Variants in PCDHA4 observed in about 807,000 individuals in gnomAD.
PCDHA4 encodes the protein protocadherin alpha 4.
A neutral mutation model predicts 61.4 loss-of-function variants in PCDHA4; 49 were observed. The observed-to-expected ratio is 0.80, with a 90% CI of 0.63 to 1.01. PCDHA4 has a LOEUF of 1.01. Among genes scored for constraint, PCDHA4 ranks in the 50% least tolerant of loss-of-function variants. The pLI is 0.00. For synonymous variants in PCDHA4, 590 were observed against 550.3 expected (o/e 1.07, Z -1.01); for missense variants, 1,254 against 1,235.8 (o/e 1.01, Z -0.22).
chr5:140,857,359 G>T lies in PCDHA4; in HGVS notation c.2385+47787G>T, dbSNP rs200721411. ...GGGGCTCGCCTCCGCTGTGGGCCAC[G>T]GCCAGCGTGTCTGTGGAGGTGGCCG... On this transcript the variant is annotated intron_variant, in intron 1 of 3. Coordinates refer to ENST00000530339, the MANE Select transcript of PCDHA4 (RefSeq NM_018907.4). 3 of 1,598,398 alleles carry T rather than the reference G, an allele frequency of 1.9e-6. No individual in the cohort carries two copies. The South Asian group carries it at 3.3e-5, about 18-fold the overall frequency.
chr5:140,884,150 A>G (rs782776110), intron 1 of PCDHA4: 14 of 1,613,346 alleles, frequency 8.7e-6, no homozygotes, highest in Non-Finnish European at 1.1e-5. Context: ...GGGGCTGTAC[A>G]CTGGCGAGAT....
In PCDHA4 at chr5:140,808,260, C is replaced by T. The variant is rs1412132205; in HGVS notation, c.1073C>T (p.Pro358Leu). Reference protein sequence around the residue: ...PDLEFKSLSLPIREDAPLGTV... With the variant: ...PDLEFKSLSLLIREDAPLGTV... ...TTGGAATTCAAGTCTTTATCACTTC[C>T]AATTAGAGAGGACGCTCCACTGGGT... Residue 358 changes from proline to leucine, a missense_variant, in exon 1 of 4, where the codon CCA becomes CTA. By Grantham distance (98) the Pro-to-Leu change is moderately conservative (BLOSUM62 -3). Coordinates refer to ENST00000530339, the MANE Select transcript of PCDHA4 (RefSeq NM_018907.4). The T allele has an allele frequency of 2.5e-6, 4 of 1,614,102 alleles. No homozygotes were observed. Among genetic ancestry groups the T allele is most frequent in the African/African-American group, 1.3e-5 (1 of 74,936 alleles).
intron 3 of PCDHA4, among the ~76,000 whole-genome samples, chr5:141,005,406 G>C (rs1224420854): frequency 1.3e-5 from 2 of 152,172 alleles, no homozygotes; most frequent in Non-Finnish European, 2.9e-5. Flanking sequence ...GACTTGAAGA[G>C]TGAGGAGTCA....
rs1219715153 is a variant in PCDHA4 at position 140,821,593 on chromosome 5, C to A, written c.2385+12021C>A. 4.4e-6 allele frequency: 3 copies of A among 678,042 alleles called. No homozygotes were observed. In the East Asian group the frequency reaches 8.7e-5, roughly 20 times the overall value. 42.0% of individuals were successfully genotyped at this position (678,042 alleles called of 1,614,324 possible). A position where few individuals can be genotyped will look rare whatever the true frequency, so the allele number is the denominator to read the frequency against. ...CGGAAGGTTTTTCTCCCTTCCCAGCCTCAAAGGAATACAGTGAGTAGATTT... is the reference window on the plus strand; with the variant it reads ...CGGAAGGTTTTTCTCCCTTCCCAGCATCAAAGGAATACAGTGAGTAGATTT... On this transcript the variant is annotated intron_variant, in intron 1 of 3. Transcript: ENST00000530339.
rs150467607 is a variant in PCDHA4 at position 140,809,255 on chromosome 5, G to A, written c.2068G>A (p.Asp690Asn). The A allele has an allele frequency of 4.3e-6, 7 of 1,613,950 alleles. No individual in the cohort carries two copies. The highest frequency in any genetic ancestry group is 2.2e-5 in the South Asian group (2 of 91,092). The change falls in exon 1 of 4, where the codon GAT becomes AAT. Residue 690 changes from aspartate (D) to asparagine (N), a missense_variant. Transcript: ENST00000530339. ...SRALVGAVGP[D>N]AALVDVNVYL... Reference sequence around the variant, plus strand: ...GGCGTTGGTGGGCGCTGTGGGTCCCGATGCTGCGCTGGTGGATGTCAACGT... The same window carrying A: ...GGCGTTGGTGGGCGCTGTGGGTCCCAATGCTGCGCTGGTGGATGTCAACGT...
At position 140,809,644 on chromosome 5, in the gene PCDHA4, C is replaced by A. The variant is rs1764516799; in HGVS notation, c.2385+72C>A. On this transcript the variant is annotated intron_variant, in intron 1 of 3. Coordinates refer to ENST00000530339, the MANE Select transcript of PCDHA4 (RefSeq NM_018907.4). ...TATCAACTTCTTCGTAAATTTATTT[C>A]TAAGAGTCAAATTTCCCTGGGTTAA... 88 of 1,500,162 alleles carry A rather than the reference C, an allele frequency of 5.9e-5. No individual in the cohort carries two copies. The South Asian group carries it at 1.1e-3, about 19-fold the overall frequency. The allele number at this position is 1,500,162 out of a possible 1,614,324, so 92.9% of individuals were successfully genotyped here.
At chr5:140,903,917 T>C (rs2070714744) in intron 1 of PCDHA4, among the ~76,000 whole-genome samples, 1 of 152,258 alleles carries the variant, frequency 6.6e-6, no homozygotes, top group Non-Finnish European at 1.5e-5. Flanking sequence ...GTGACTTCCT[T>C]GCTGCATTGG....
intron 1 of PCDHA4, chr5:140,849,498 A>G: frequency 6.3e-7 from 1 of 1,593,626 alleles, no homozygotes. Context: ...TGGTCATTGT[A>G]CACTTCTTGT....
chr5:140,955,216 C>T (rs2095153192), intron 1 of PCDHA4, among the ~76,000 whole-genome samples: 2 of 152,122 alleles, frequency 1.3e-5, no homozygotes, highest in East Asian at 3.9e-4. Flanking sequence ...AGCATGATGC[C>T]TCCAGCTTTG....
chr5:140,822,611 T>G (rs1767365193), intron 1 of PCDHA4: 1 of 1,611,486 alleles, frequency 6.2e-7, no homozygotes, highest in African/African-American at 1.3e-5. Flanking sequence ...ATAGTGTATT[T>G]CTTTAGTAAT....
chr5:140,869,465 T>G (rs1291817814), intron 1 of PCDHA4: 7 of 1,614,026 alleles, frequency 4.3e-6, no homozygotes, highest in Non-Finnish European at 5.9e-6. Context: ...CATGTGAACG[T>G]GGAGGTGAAG....
At chr5:140,850,549 G>A in intron 1 of PCDHA4, 2 of 1,598,360 alleles carry the variant, frequency 1.3e-6, no homozygotes, top group Non-Finnish European at 1.7e-6. Flanking sequence ...GCGTCAGTGG[G>A]TGCCACGGGC....
At chr5:140,982,252 C>A in intron 2 of PCDHA4, 2 of 770,940 alleles carry the variant, frequency 2.6e-6, no homozygotes, top group South Asian at 2.6e-5. Flanking sequence ...AAAGATAGAA[C>A]ATGTGTGTTC....
intron 1 of PCDHA4, among the ~76,000 whole-genome samples, chr5:140,879,282 A>T (rs1554170732): frequency 1.3e-5 from 2 of 152,238 alleles, no homozygotes; most frequent in Non-Finnish European, 2.9e-5. Context: ...ACTCAATACA[A>T]ATGATAAGAG....
chr5:141,007,349 G>C (rs532404832), intron 3 of PCDHA4, among the ~76,000 whole-genome samples: 204 of 144,744 alleles, frequency 1.4e-3, no homozygotes, highest in Middle Eastern at 0.011. Flanking sequence ...TCAGGAGTTC[G>C]AGACCAGCCT....
chr5:140,809,025 CG>C lies in PCDHA4; in HGVS notation c.1842del (p.Thr615LeufsTer37). On this transcript the variant is annotated frameshift_variant, in exon 1 of 4. Transcript: ENST00000530339. LOFTEE classifies it high-confidence loss of function. The stretch of plus-strand genomic sequence containing the variant: ...GCGTGGCTTTCGTACGAGCTGCAGC[CG>C]GGGACTGGTGGCGCGCGCATCCCGT... ...YNAWLSYELQ[P>X]GTGGARIPFR... is the part of the protein sequence containing the mutation. 1 of 1,613,630 alleles carries C rather than the reference CG, an allele frequency of 6.2e-7. No individual in the cohort carries two copies. Among genetic ancestry groups the C allele is most frequent in the Non-Finnish European group, 8.5e-7 (1 of 1,179,754 alleles).
intron 1 of PCDHA4, chr5:140,928,160 C>T (rs782224079): frequency 1.2e-6 from 2 of 1,614,094 alleles, no homozygotes; most frequent in Non-Finnish European, 1.7e-6. Context: ...AGTGGCTCAC[C>T]CCCACTTAGC....
chr5:140,809,234 T>C lies in PCDHA4; in HGVS notation c.2047T>C (p.Leu683=), dbSNP rs782288088. 6.2e-6 allele frequency: 10 copies of C among 1,613,892 alleles called. No individual in the cohort carries two copies. The Admixed American group carries it at 6.7e-5, about 11-fold the overall frequency. ...GQAPKASSRA[L]VGAVGPDAAL... is the part of the protein sequence containing the mutation. The stretch of plus-strand genomic sequence containing the variant: ...GGCGCCAAAGGCCTCCTCACGGGCG[T>C]TGGTGGGCGCTGTGGGTCCCGATGC... The change falls in exon 1 of 4, where the codon TTG becomes CTG. Residue 683 remains leucine, a synonymous_variant. Coordinates refer to ENST00000530339, the MANE Select transcript of PCDHA4 (RefSeq NM_018907.4).
At chr5:140,882,811 C>T in intron 1 of PCDHA4, 2 of 1,614,192 alleles carry the variant, frequency 1.2e-6, no homozygotes, top group Non-Finnish European at 8.5e-7. Flanking sequence ...TCACTTTGGA[C>T]GCACAAAACA....
Sources: allele counts gnomAD v4.1 joint callset (sites outside exome capture counted in the v4.1 genomes callset), GRCh38; gene constraint gnomAD v4.1.1; transcripts MANE v1.5; gene names NCBI Gene and HGNC (gene_info 2026-07-23, HGNC 2026-07-21).